SAPCD2: variants seen among roughly 807,000 people sequenced by gnomAD.
SAPCD2 encodes the protein suppressor APC domain containing 2.
SAPCD2 carries 34 observed loss-of-function variants against 37.8 expected under a neutral mutation model. That is an observed-to-expected ratio of 0.90 (90% CI 0.68 to 1.20). The LOEUF is 1.20. SAPCD2 is among the 50% of genes most tolerant of loss of function. The pLI is 0.00. For missense variants in SAPCD2, 572 were observed against 584.7 expected, an observed-to-expected ratio of 0.98 and a Z score of 0.22; for synonymous variants, 275 against 270.3, an observed-to-expected ratio of 1.02 and a Z score of -0.17.
intron 2 of SAPCD2, 60 bp from the exon 3 acceptor site, chr9:137,065,728 A>G: frequency 6.5e-7 from 1 of 1,535,544 alleles, no homozygotes; most frequent in Non-Finnish European, 8.8e-7. Flanking sequence ...ACGTCCACAC[A>G]TGCATGAGCT....
chr9:137,065,809 G>A lies in SAPCD2; in HGVS notation c.685-141C>T, dbSNP rs191995334. Reference sequence around the variant, plus strand: ...CGTGTACACGTTTGCAAACACCCACGGACGCACGCTTCTGCTGACACCTGC... The same window carrying A: ...CGTGTACACGTTTGCAAACACCCACAGACGCACGCTTCTGCTGACACCTGC... On this transcript the variant is annotated intron_variant, in intron 2 of 5. Coordinates refer to ENST00000409687, the MANE Select transcript of SAPCD2 (RefSeq NM_178448.4). 3.4e-4 allele frequency: 356 copies of A among 1,033,382 alleles called. 1 individual carries two copies. In the East Asian group the frequency reaches 8.0e-3, roughly 23 times the overall value. 64.0% of individuals were successfully genotyped at this position (1,033,382 alleles called of 1,614,324 possible).
Position 137,070,249 on chromosome 9 carries a change from C to T in SAPCD2, c.212G>A (p.Gly71Asp). The T allele has an allele frequency of 7.0e-7, 1 of 1,419,204 alleles. No individual in the cohort carries two copies. The highest frequency in any genetic ancestry group is 1.5e-5 in the African/African-American group (1 of 67,034). The allele number at this position is 1,419,204 out of a possible 1,614,324, so 87.9% of individuals were successfully genotyped here. ...ARELPRGVLE[G>D]LRQVAPASGY... is the part of the protein sequence containing the mutation. ...GCTGGCCGGGGCCACCTGGCGCAAG[C>T]CCTCCAGCACCCCGCGGGGCAGCTC... The change falls in exon 1 of 6, where the codon GGC (glycine) becomes GAC (aspartate). Residue 71 changes from glycine (G) to aspartate (D), a missense_variant. Coordinates refer to ENST00000409687, the MANE Select transcript of SAPCD2 (RefSeq NM_178448.4).
At chr9:137,067,535 G>A (rs1203994124) in intron 1 of SAPCD2, among the ~76,000 whole-genome samples, 2 of 150,664 alleles carry the variant, frequency 1.3e-5, no homozygotes, top group East Asian at 4.0e-4. Context: ...ACTTTGGGAA[G>A]CTGGGGCGGG....
Position 137,070,292 on chromosome 9 carries a change from GC to G in SAPCD2, c.168del (p.Trp56CysfsTer27). ...CVHLREIESR[W>X]QGTDARELPR... is the part of the protein sequence containing the mutation. ...GGCAGCTCCCGCGCGTCGGTGCCCT[GC>G]CAGCGGGACTCGATCTCGCGCAGGT... On this transcript the variant is annotated frameshift_variant, in exon 1 of 6. Coordinates refer to ENST00000409687, the MANE Select transcript of SAPCD2 (RefSeq NM_178448.4). LOFTEE classifies it high-confidence loss of function. 1 of 1,472,692 alleles carries G rather than the reference GC, an allele frequency of 6.8e-7. No homozygotes were observed. Among genetic ancestry groups the G allele is most frequent in the East Asian group, 2.9e-5 (1 of 34,530 alleles). 91.2% of individuals were successfully genotyped at this position (1,472,692 alleles called of 1,614,324 possible).
At position 137,063,344 on chromosome 9, in the gene SAPCD2, G is replaced by C. The variant is rs1397984117; in HGVS notation, c.*1315C>G. 1 of 152,468 alleles carries C rather than the reference G, an allele frequency of 6.6e-6. No homozygotes were observed. Among genetic ancestry groups the C allele is most frequent in the African/African-American group, 2.4e-5 (1 of 41,472 alleles). The allele number at this position is 152,468 out of a possible 1,614,324, so 9.4% of individuals were successfully genotyped here. A position where few individuals can be genotyped will look rare whatever the true frequency, so the allele number is the denominator to read the frequency against. ...TGTGGGCAGGTTAGCATGGAGCTGG[G>C]CTCCGGAAGGGAGTTGCCACGCTGC... On this transcript the variant is annotated 3_prime_UTR_variant, in exon 6 of 6. Transcript: ENST00000409687.
rs1323129744 is a variant in SAPCD2, at chr9:137,065,413, T to A, written c.831+109A>T. 1.5e-5 allele frequency: 20 copies of A among 1,330,422 alleles called. No individual in the cohort carries two copies. In the East Asian group the frequency reaches 4.6e-4, roughly 30 times the overall value. The allele number at this position is 1,330,422 out of a possible 1,614,324, so 82.4% of individuals were successfully genotyped here. A position where few individuals can be genotyped will look rare whatever the true frequency, so the allele number is the denominator to read the frequency against. Reference sequence around the variant, plus strand: ...GGATGTCTCAGCATCCTGGGTGGAATCGACAGCCACTGTGTCCGGGAATAG... The same window carrying A: ...GGATGTCTCAGCATCCTGGGTGGAAACGACAGCCACTGTGTCCGGGAATAG... On this transcript the variant is annotated intron_variant, in intron 3 of 5. Coordinates refer to ENST00000409687, the MANE Select transcript of SAPCD2 (RefSeq NM_178448.4).
intron 1 of SAPCD2, among the ~76,000 whole-genome samples, chr9:137,069,393 G>GC (rs150573462): frequency 0.02 from 3,025 of 152,322 alleles, 107 homozygotes; most frequent in African/African-American, 0.067. Context: ...ACCAGCAGCA[G>GC]CCCCCGCCTG....
Position 137,065,808 on chromosome 9 carries a change from C to T in SAPCD2, c.685-140G>A, listed in dbSNP as rs1288250292. The T allele has an allele frequency of 2.1e-5, 22 of 1,034,640 alleles. No individual in the cohort carries two copies. The East Asian group carries it at 3.7e-4, about 18-fold the overall frequency. The allele number at this position is 1,034,640 out of a possible 1,614,324, so 64.1% of individuals were successfully genotyped here. On this transcript the variant is annotated intron_variant, in intron 2 of 5. Transcript: ENST00000409687. ...ACGTGTACACGTTTGCAAACACCCA[C>T]GGACGCACGCTTCTGCTGACACCTG...
chr9:137,065,760 G>C (rs1227122293), intron 2 of SAPCD2, 92 bp from the exon 3 acceptor site: 40 of 1,442,402 alleles, frequency 2.8e-5, no homozygotes, highest in Non-Finnish European at 3.8e-5. Context: ...GGGCACCAGA[G>C]CCACAGACAC....
In SAPCD2 at chr9:137,065,506, G is replaced by A; in HGVS notation, c.831+16C>T. The A allele has an allele frequency of 6.3e-7, 1 of 1,587,052 alleles. No individual in the cohort carries two copies. The highest frequency in any genetic ancestry group is 8.6e-7 in the Non-Finnish European group (1 of 1,163,898). ...CCCCATGTGTGGGGATCTGGGGACAGGGCTGTGGCACTCACGGCGCTGGCT... is the reference window on the plus strand; with the variant it reads ...CCCCATGTGTGGGGATCTGGGGACAAGGCTGTGGCACTCACGGCGCTGGCT... On this transcript the variant is annotated intron_variant, in intron 3 of 5. Coordinates refer to ENST00000409687, the MANE Select transcript of SAPCD2 (RefSeq NM_178448.4).
intron 1 of SAPCD2, 141 bp downstream of exon 1, chr9:137,069,749 C>A: frequency 6.9e-6 from 4 of 576,136 alleles, no homozygotes; most frequent in African/African-American, 2.0e-5. Context: ...CCGAGGCGCC[C>A]TCCAGGATCC....
rs564588337 is a variant in SAPCD2 at position 137,066,468 on chromosome 9, G to A, written c.572-94C>T. On this transcript the variant is annotated intron_variant, in intron 1 of 5. Transcript: ENST00000409687. ...GGCCTCCACATCTCAGCCCACCCTC[G>A]AGGTCTCGGGCACCAGCCTGGCATG... is the stretch of plus-strand genomic sequence containing the variant. 53 of 946,576 alleles carry A rather than the reference G, an allele frequency of 5.6e-5. No individual in the cohort carries two copies. In the Admixed American group the frequency reaches 8.3e-4, roughly 15 times the overall value. 58.6% of individuals were successfully genotyped at this position (946,576 alleles called of 1,614,324 possible).
rs1206438572 is a variant in SAPCD2 at position 137,064,367 on chromosome 9, A to AC, written c.*291dup. The AC allele has an allele frequency of 1.0e-5, 5 of 493,022 alleles. No homozygotes were observed. The highest frequency in any genetic ancestry group is 1.8e-5 in the Non-Finnish European group (5 of 271,118). 30.5% of individuals were successfully genotyped at this position (493,022 alleles called of 1,614,324 possible). ...GGGGGACGCTAACTCATGGAGGGGTACCCCACTGTCCACTGACAGCGGCAG... is the reference window on the plus strand; with the variant it reads ...GGGGGACGCTAACTCATGGAGGGGTACCCCCACTGTCCACTGACAGCGGCAG... On this transcript the variant is annotated 3_prime_UTR_variant, in exon 6 of 6. Transcript: ENST00000409687.
At chr9:137,068,324 A>G (rs1832577734) in intron 1 of SAPCD2, among the ~76,000 whole-genome samples, 1 of 152,212 alleles carries the variant, frequency 6.6e-6, no homozygotes, top group South Asian at 2.1e-4. Flanking sequence ...TTGAGTCCAT[A>G]GAGCAGCTCC....
chr9:137,066,646 A>G (rs1265959571), intron 1 of SAPCD2, among the ~76,000 whole-genome samples: 3 of 152,216 alleles, frequency 2.0e-5, no homozygotes, highest in Admixed American at 2.0e-4. Context: ...CTCTGGGGCC[A>G]GAGGCCTTAT....
chr9:137,064,955 G>A lies in SAPCD2; in HGVS notation c.964C>T (p.Pro322Ser), dbSNP rs776936663. The A allele has an allele frequency of 6.5e-7, 1 of 1,546,108 alleles. No individual in the cohort carries two copies. The highest frequency in any genetic ancestry group is 8.7e-7 in the Non-Finnish European group (1 of 1,144,340). ...SRALPPSSSG[P>S]PCPALTSTSP... ...GTGGACGTCAGGGCAGGGCAGGGGGGCCCGGAGGAGGACGGGGGCAGGGCC... is the reference window on the plus strand; with the variant it reads ...GTGGACGTCAGGGCAGGGCAGGGGGACCCGGAGGAGGACGGGGGCAGGGCC... Residue 322 changes from proline (P) to serine (S), a missense_variant, in exon 5 of 6, where the codon CCC (proline) becomes TCC (serine). By Grantham distance (74) the Pro-to-Ser change is moderately conservative. Coordinates refer to ENST00000409687, the MANE Select transcript of SAPCD2 (RefSeq NM_178448.4).
At chr9:137,067,802 A>AAAAAAG (rs1832570261) in intron 1 of SAPCD2, among the ~76,000 whole-genome samples, 5 of 127,688 alleles carry the variant, frequency 3.9e-5, no homozygotes, top group Non-Finnish European at 6.6e-5. Context: ...AAAAAAAAAA[A>AAAAAAG]GTCCCGCGTG....
In SAPCD2 at chr9:137,066,372, C is replaced by T; in HGVS notation, c.574G>A (p.Ala192Thr). The T allele has an allele frequency of 6.3e-7, 1 of 1,598,312 alleles. No individual in the cohort carries two copies. The highest frequency in any genetic ancestry group is 1.3e-5 in the African/African-American group (1 of 74,776). ...GCCTCCAGGGCCCTGCACGCCACTG[C>T]ACCTGTTATGGAGAGGCATGGGCCT... ...LEPSSSADAG[A>T]VACRALEADS... Residue 192 changes from alanine to threonine, a missense_variant and splice_region_variant, in exon 2 of 6, where the codon GCA (alanine) becomes ACA (threonine). Ala to Thr is a moderately conservative substitution (Grantham distance 58, BLOSUM62 0). Transcript: ENST00000409687.
chr9:137,067,827 C>T (rs922369867), intron 1 of SAPCD2, among the ~76,000 whole-genome samples: 6 of 145,466 alleles, frequency 4.1e-5, no homozygotes, highest in Admixed American at 2.8e-4. Flanking sequence ...ATACGCCAGG[C>T]GGTGCACCCA....
Sources: gnomAD v4.1 joint callset for allele counts (sites outside exome capture counted in the v4.1 genomes callset) on GRCh38, gnomAD v4.1.1 for gene constraint, MANE v1.5 for transcripts, NCBI Gene and HGNC (gene_info 2026-07-23, HGNC 2026-07-21) for gene names.